Variants in IL22RA1 observed in about 807,000 individuals in gnomAD.
IL22RA1 encodes interleukin 22 receptor subunit alpha 1.
In IL22RA1, 25 loss-of-function variants were observed where a neutral mutation model predicts 32.8. The observed-to-expected ratio is 0.76, with a 90% confidence interval of 0.55 to 1.06. The LOEUF is 1.06. Among genes scored for constraint, IL22RA1 ranks in the 50% least tolerant of loss-of-function variants. The pLI is 0.00. For synonymous variants in IL22RA1, 305 were observed against 305.0 expected, an observed-to-expected ratio of 1.00 and a Z score of 0.00; for missense variants, 709 against 727.4, an observed-to-expected ratio of 0.97 and a Z score of 0.29.
rs1279032108 is a variant in IL22RA1 at position 24,119,861 on chromosome 1, C to T, written c.*944G>A. 6.6e-6 allele frequency: 1 copy of T among 152,264 alleles called. No homozygotes were observed. The highest frequency in any genetic ancestry group is 1.5e-5 in the Non-Finnish European group (1 of 68,056). 9.4% of individuals were successfully genotyped at this position (152,264 alleles called of 1,614,324 possible). ...CTTCATTTCATCTTCACCACAACTC[C>T]ATGAGGTAGGTGTTATGATCCCCAC... On this transcript the variant is annotated 3_prime_UTR_variant, in exon 7 of 7. Transcript: ENST00000270800.
rs925241853 is a variant in IL22RA1 at position 24,121,560 on chromosome 1, T to C, written c.970A>G (p.Ile324Val). The change falls in exon 7 of 7, where the codon ATC becomes GTC. Residue 324 changes from isoleucine (I) to valine (V), a missense_variant. Ile to Val is a conservative substitution (Grantham distance 29, BLOSUM62 3). Coordinates refer to ENST00000270800, the MANE Select transcript of IL22RA1 (RefSeq NM_021258.4). Reference sequence around the variant, plus strand: ...ATGTCTGGCTGCCCTAAGTAGGTGATCTCGGACAGGCTATGCCGCTGTGGA... The same window carrying C: ...ATGTCTGGCTGCCCTAAGTAGGTGACCTCGGACAGGCTATGCCGCTGTGGA... ...GAPQRHSLSE[I>V]TYLGQPDISI... 2 of 1,608,126 alleles carry C rather than the reference T, an allele frequency of 1.2e-6. No individual in the cohort carries two copies. Among genetic ancestry groups the C allele is most frequent in the South Asian group, 1.1e-5 (1 of 90,572 alleles).
chr1:24,134,789 T>G, intron 3 of IL22RA1: 1 of 939,624 alleles, frequency 1.1e-6, no homozygotes, highest in South Asian at 4.9e-5. Context: ...TCCTAAATAA[T>G]GTTTGGGGCC....
chr1:24,138,486 G>T, intron 2 of IL22RA1, 96 bp downstream of exon 2: 5 of 1,380,218 alleles, frequency 3.6e-6, no homozygotes, highest in Non-Finnish European at 5.1e-6. Context: ...ACCAGTCCTG[G>T]TGGGGACATG....
chr1:24,132,758 TG>T (rs1165851565), intron 4 of IL22RA1, among the ~76,000 whole-genome samples: 1 of 151,728 alleles, frequency 6.6e-6, no homozygotes, highest in Non-Finnish European at 1.5e-5. Context: ...CCCAGCACTT[TG>T]GGAGGCTGAG....
chr1:24,128,055 G>A lies in IL22RA1; in HGVS notation c.670+86C>T, dbSNP rs1644177053. The A allele has an allele frequency of 3.0e-6, 4 of 1,355,236 alleles. No homozygotes were observed. The South Asian group carries it at 4.7e-5, about 16-fold the overall frequency. The allele number at this position is 1,355,236 out of a possible 1,614,324, so 84.0% of individuals were successfully genotyped here. A position where few individuals can be genotyped will look rare whatever the true frequency, so the allele number is the denominator to read the frequency against. ...CCATGGTTTTCTAGAGTGTTGCCAAGTCTCACCTTGGTTACAGGGAGGAAA... is the reference window on the plus strand; with the variant it reads ...CCATGGTTTTCTAGAGTGTTGCCAAATCTCACCTTGGTTACAGGGAGGAAA... On this transcript the variant is annotated intron_variant, in intron 5 of 6. Transcript: ENST00000270800.
In IL22RA1 at chr1:24,121,126, CA is replaced by C; in HGVS notation, c.1403del (p.Leu468ArgfsTer25). The C allele has an allele frequency of 6.2e-7, 1 of 1,614,226 alleles. No homozygotes were observed. The highest frequency in any genetic ancestry group is 8.5e-7 in the Non-Finnish European group (1 of 1,180,032). On this transcript the variant is annotated frameshift_variant, in exon 7 of 7. Coordinates refer to ENST00000270800, the MANE Select transcript of IL22RA1 (RefSeq NM_021258.4). LOFTEE classifies it low-confidence loss of function (END_TRUNC). Reference sequence around the variant, plus strand: ...CAGATGTTCTGTCTGTGCAAATCCCCAGGGGCTGGTGCAATGATTTTGCTTC... The same window carrying C: ...CAGATGTTCTGTCTGTGCAAATCCCCGGGGCTGGTGCAATGATTTTGCTTC... ...SQEAKSLHQP[L>X]GICTDRTSDP...
intron 4 of IL22RA1, among the ~76,000 whole-genome samples, chr1:24,129,312 G>A (rs1644186731): frequency 6.6e-6 from 1 of 152,212 alleles, no homozygotes; most frequent in African/African-American, 2.4e-5. Flanking sequence ...GCACCGATGT[G>A]TGGATAACTC....
Position 24,121,578 on chromosome 1 carries a change from G to A in IL22RA1, c.952C>T (p.Arg318Trp), listed in dbSNP as rs759667909. 11 of 1,611,996 alleles carry A rather than the reference G, an allele frequency of 6.8e-6. No homozygotes were observed. The highest frequency in any genetic ancestry group is 1.6e-4 in the Middle Eastern group (1 of 6,074). Reference sequence around the variant, plus strand: ...TAGGTGATCTCGGACAGGCTATGCCGCTGTGGAGCTCCTGCGGGCTCCCTG... The same window carrying A: ...TAGGTGATCTCGGACAGGCTATGCCACTGTGGAGCTCCTGCGGGCTCCCTG... ...GPREPAGAPQ[R>W]HSLSEITYLG... Residue 318 changes from arginine to tryptophan, a missense_variant, in exon 7 of 7, where the codon CGG becomes TGG. Transcript: ENST00000270800.
In IL22RA1 at chr1:24,134,303, G is replaced by A. The variant is rs777028986; in HGVS notation, c.439C>T (p.Arg147Cys). The A allele has an allele frequency of 1.4e-5, 23 of 1,608,238 alleles. No individual in the cohort carries two copies. In the South Asian group the frequency reaches 1.8e-4, roughly 12 times the overall value. ...GTTAGCCGGTGGCCATCGCCTGCAC[G>A]GATTGGCGTGGGGGTAGGATGAACA... The part of the protein sequence containing the change: ...MIVHPTPTPI[R>C]AGDGHRLTLE... The change falls in exon 4 of 7, where the codon CGT (arginine) becomes TGT (cysteine). Residue 147 changes from arginine to cysteine, a missense_variant. Arg to Cys is a radical substitution (Grantham distance 180, BLOSUM62 -3). Coordinates refer to ENST00000270800, the MANE Select transcript of IL22RA1 (RefSeq NM_021258.4).
chr1:24,124,440 C>T (rs943211836), intron 5 of IL22RA1, among the ~76,000 whole-genome samples: 1 of 152,184 alleles, frequency 6.6e-6, no homozygotes, highest in African/African-American at 2.4e-5. Flanking sequence ...ATGGGTGCAG[C>T]CAGTTCCAGG....
intron 4 of IL22RA1, 60 bp from the exon 5 acceptor site, chr1:24,128,339 C>T: frequency 1.2e-6 from 2 of 1,604,680 alleles, no homozygotes; most frequent in Non-Finnish European, 1.7e-6. Context: ...ACATAGAGCC[C>T]AAGGAAGCTT....
chr1:24,134,654 G>A (rs1236452352), intron 3 of IL22RA1, among the ~76,000 whole-genome samples: 1 of 152,182 alleles, frequency 6.6e-6, no homozygotes, highest in Non-Finnish European at 1.5e-5. Flanking sequence ...GCTTGGTCAT[G>A]CCTTTGGCTT....
At chr1:24,133,941 C>A (rs1015828121) in intron 4 of IL22RA1, among the ~76,000 whole-genome samples, 17 of 151,682 alleles carry the variant, frequency 1.1e-4, no homozygotes, top group African/African-American at 4.1e-4. Context: ...AAATAAAAAA[C>A]AAAACAAAAC....
chr1:24,143,121 C>T lies in IL22RA1; in HGVS notation c.-39G>A. 3 of 1,596,348 alleles carry T rather than the reference C, an allele frequency of 1.9e-6. No individual in the cohort carries two copies. The highest frequency in any genetic ancestry group is 2.6e-6 in the Non-Finnish European group (3 of 1,168,598). On this transcript the variant is annotated 5_prime_UTR_variant, in exon 1 of 7. Coordinates refer to ENST00000270800, the MANE Select transcript of IL22RA1 (RefSeq NM_021258.4). Reference sequence around the variant, plus strand: ...GAGCCCTCCCTTGGCCTCTACTCTGCCGTGCACAGAGAGAGGGCTGGGAGT... The same window carrying T: ...GAGCCCTCCCTTGGCCTCTACTCTGTCGTGCACAGAGAGAGGGCTGGGAGT...
Position 24,121,695 on chromosome 1 carries a change from G to C in IL22RA1, c.835C>G (p.Gln279Glu), listed in dbSNP as rs773319513. Residue 279 changes from glutamine (Q) to glutamate (E), a missense_variant, in exon 7 of 7, where the codon CAG (glutamine) becomes GAG (glutamate). Physicochemically the swap from Gln to Glu is conservative, Grantham distance 29. Transcript: ENST00000270800. Reference protein sequence around the residue: ...VLTFQPLRFIQEHVLIPVFDL... With the variant: ...VLTFQPLRFIEEHVLIPVFDL... ...AAGACAGGGATCAGGACGTGCTCCT[G>C]GATGAAGCGCAGCGGCTGGAAAGTC... 3.2e-6 allele frequency: 5 copies of C among 1,576,484 alleles called. No homozygotes were observed. The East Asian group carries it at 9.1e-5, about 29-fold the overall frequency.
In IL22RA1 at chr1:24,120,376, A is replaced by G. The variant is rs1461832992; in HGVS notation, c.*429T>C. On this transcript the variant is annotated 3_prime_UTR_variant, in exon 7 of 7. Transcript: ENST00000270800. Reference sequence around the variant, plus strand: ...TCTCTTCCCACCTTTGAACAATGACAGAAGAGGCAGGGGCCTCATGCTCTG... The same window carrying G: ...TCTCTTCCCACCTTTGAACAATGACGGAAGAGGCAGGGGCCTCATGCTCTG... The G allele has an allele frequency of 6.3e-6, 1 of 157,528 alleles. No individual in the cohort carries two copies. Among genetic ancestry groups the G allele is most frequent in the Non-Finnish European group, 1.4e-5 (1 of 71,810 alleles). The allele number at this position is 157,528 out of a possible 1,614,324, so 9.8% of individuals were successfully genotyped here. A position where few individuals can be genotyped will look rare whatever the true frequency, so the allele number is the denominator to read the frequency against.
At chr1:24,128,590 G>A (rs1386243421) in intron 4 of IL22RA1, among the ~76,000 whole-genome samples, 1 of 151,608 alleles carries the variant, frequency 6.6e-6, no homozygotes, top group Non-Finnish European at 1.5e-5. Flanking sequence ...CTGTCATTAT[G>A]ACCTCCACCA....
chr1:24,134,728 T>A (rs1644231053), intron 3 of IL22RA1, among the ~76,000 whole-genome samples: 1 of 152,096 alleles, frequency 6.6e-6, no homozygotes, highest in African/African-American at 2.4e-5. Context: ...CCTTCCTCCC[T>A]CATCTATTGA....
intron 6 of IL22RA1, 131 bp from the exon 7 acceptor site, chr1:24,121,868 AT>A: frequency 6.7e-6 from 4 of 593,302 alleles, no homozygotes; most frequent in Non-Finnish European, 1.1e-5. Flanking sequence ...TCTGTCCCAT[AT>A]CCCCATCTGC....
Sources: gnomAD v4.1 joint callset for allele counts (sites outside exome capture counted in the v4.1 genomes callset) on GRCh38, gnomAD v4.1.1 for gene constraint, MANE v1.5 for transcripts, NCBI Gene and HGNC (gene_info 2026-07-23, HGNC 2026-07-21) for gene names.